TENM3: variants seen among roughly 807,000 people sequenced by gnomAD.
TENM3 encodes the protein teneurin-3.
Under a neutral mutation model 255.1 loss-of-function variants are expected in TENM3, and 63 were observed. The observed-to-expected ratio is 0.25, with a 90% CI of 0.20 to 0.30. The LOEUF is 0.30. Ranked by LOEUF, TENM3 falls within the 10% of genes least tolerant of loss-of-function variation. The pLI is 1.00. For synonymous variants in TENM3, 1,306 were observed against 1,322.3 expected (o/e 0.99, Z 0.27); for missense variants, 2,929 against 3,461.1 (o/e 0.85, Z 3.86).
At chr4:181,695,322 C>T in the TENM3 span, among the ~76,000 whole-genome samples, 14 of 152,150 alleles carry the variant, frequency 9.2e-5, no homozygotes, top group African/African-American at 3.4e-4. Flanking sequence ...AGCAAGTAGA[C>T]TCAACTCTTG....
At chr4:181,528,071 CT>C in the TENM3 span, among the ~76,000 whole-genome samples, 3 of 151,778 alleles carry the variant, frequency 2.0e-5, no homozygotes, top group Non-Finnish European at 4.4e-5. Flanking sequence ...TTACATACAT[CT>C]CTGATTACCT....
At chr4:182,062,561 A>C in the TENM3 span, among the ~76,000 whole-genome samples, 1 of 152,238 alleles carries the variant, frequency 6.6e-6, no homozygotes, top group Non-Finnish European at 1.5e-5. Context: ...TTTATATGAC[A>C]AGGCAGTATG....
the TENM3 span, among the ~76,000 whole-genome samples, chr4:181,832,756 G>C: frequency 6.6e-6 from 1 of 152,178 alleles, no homozygotes; most frequent in South Asian, 2.1e-4. Flanking sequence ...TAAATCAATT[G>C]AACCGCCTTG....
At chr4:182,640,201 A>C (rs921794781) in intron 5 of TENM3, among the ~76,000 whole-genome samples, 1 of 152,250 alleles carries the variant, frequency 6.6e-6, no homozygotes, top group Admixed American at 6.5e-5. Context: ...TTAAAATTTT[A>C]AGTCAATCAC....
At chr4:181,661,164 A>G in the TENM3 span, among the ~76,000 whole-genome samples, 1 of 152,160 alleles carries the variant, frequency 6.6e-6, no homozygotes, top group Non-Finnish European at 1.5e-5. Context: ...AATGGTGAAA[A>G]TCTTTAATGG....
the TENM3 span, among the ~76,000 whole-genome samples, chr4:181,697,425 GCT>G: frequency 1.3e-5 from 2 of 152,060 alleles, no homozygotes; most frequent in Admixed American, 6.6e-5. Context: ...TGACAGTCTT[GCT>G]CTGTCGCCCA....
chr4:181,568,875 C>A, the TENM3 span, among the ~76,000 whole-genome samples: 1 of 152,088 alleles, frequency 6.6e-6, no homozygotes, highest in Non-Finnish European at 1.5e-5. Flanking sequence ...AGTTGTAATC[C>A]TTTGGAGGAT....
At chr4:181,501,561 G>A in the TENM3 span, among the ~76,000 whole-genome samples, 1 of 151,932 alleles carries the variant, frequency 6.6e-6, no homozygotes, top group Non-Finnish European at 1.5e-5. Context: ...TGTATTTTTA[G>A]TAGAGGCGGG....
intron 3 of TENM3, among the ~76,000 whole-genome samples, chr4:182,464,481 TCCTGA>T (rs1044703704): frequency 4.6e-5 from 7 of 152,150 alleles, no homozygotes; most frequent in Admixed American, 6.5e-5. Context: ...GGTCTCCAAC[TCCTGA>T]CCTCAGGTGA....
intron 3 of TENM3, among the ~76,000 whole-genome samples, chr4:182,587,451 CAAA>C (rs1746142231): frequency 2.6e-5 from 4 of 152,152 alleles, no homozygotes; most frequent in Admixed American, 2.6e-4. Flanking sequence ...ACTAAAAATA[CAAA>C]AATAGTTCCA....
the TENM3 span, among the ~76,000 whole-genome samples, chr4:181,786,682 T>G: frequency 1.4e-5 from 2 of 145,772 alleles, no homozygotes; most frequent in African/African-American, 2.5e-5. Flanking sequence ...CTAGGGAGAG[T>G]GTTTAAGACA....
chr4:182,296,678 A>G (rs1197254234), intron 1 of TENM3, among the ~76,000 whole-genome samples: 2 of 152,240 alleles, frequency 1.3e-5, no homozygotes, highest in African/African-American at 4.8e-5. Flanking sequence ...AGAAGTCTGC[A>G]TCTTTAGATT....
intron 4 of TENM3, among the ~76,000 whole-genome samples, chr4:182,615,969 C>G (rs1749476065): frequency 6.6e-6 from 1 of 152,206 alleles, no homozygotes; most frequent in Admixed American, 6.5e-5. Context: ...TAATACCTTA[C>G]TGCAGTGATT....
rs1395118023 is a variant in TENM3, at chr4:182,799,073, C to A, written c.7345-523C>A. On this transcript the variant is annotated intron_variant, in intron 27 of 27. Transcript: ENST00000511685. The surrounding 1 kb of genome is among the most constrained non-coding windows in gnomAD (Gnocchi z 4.2). ...CATTTCAGTTCTGCGGTTACACTCA[C>A]CATCTTCAGCTGAAAACTCTGCCAG... 1.3e-5 allele frequency among the ~76,000 whole-genome samples: 2 copies of A among 152,256 alleles called. No individual in the cohort carries two copies. Among genetic ancestry groups the A allele is most frequent in the Non-Finnish European group, 2.9e-5 (2 of 68,040 alleles).
the TENM3 span, among the ~76,000 whole-genome samples, chr4:181,591,289 G>A: frequency 6.6e-6 from 1 of 152,172 alleles, no homozygotes; most frequent in Non-Finnish European, 1.5e-5. Context: ...TGTAAAAATA[G>A]TATGTGCACT....
At chr4:181,450,524 T>A in the TENM3 span, among the ~76,000 whole-genome samples, 1 of 152,208 alleles carries the variant, frequency 6.6e-6, no homozygotes, top group African/African-American at 2.4e-5. Flanking sequence ...ATCAAGGTAA[T>A]TTGCTATGAA....
At position 182,753,484 on chromosome 4, in the gene TENM3, T is replaced by C. The variant is rs1200462393; in HGVS notation, c.3897T>C (p.Phe1299=). 1.9e-6 allele frequency: 3 copies of C among 1,613,926 alleles called. No individual in the cohort carries two copies. The highest frequency in any genetic ancestry group is 1.6e-4 in the Middle Eastern group (1 of 6,062). The change falls in exon 21 of 28, where the codon TTT becomes TTC. Residue 1299 remains phenylalanine, a synonymous_variant. Coordinates refer to ENST00000511685, the MANE Select transcript of TENM3 (RefSeq NM_001080477.4). ...MAVDKNGLIY[F]VDGTMIRKVD... ...TTGATAAGAATGGATTAATCTACTT[T>C]GTTGATGGAACCATGATTAGGAAAG...
At chr4:182,151,864 A>G (rs1402831394) in intron 1 of TENM3, among the ~76,000 whole-genome samples, 1 of 152,052 alleles carries the variant, frequency 6.6e-6, no homozygotes, top group African/African-American at 2.4e-5. Context: ...TAATCTAAAT[A>G]CATATTATAG....
chr4:182,775,858 T>G (rs1764647244), intron 24 of TENM3, among the ~76,000 whole-genome samples: 1 of 152,110 alleles, frequency 6.6e-6, no homozygotes, highest in Admixed American at 6.6e-5. Context: ...TCAGAACATC[T>G]CTGAATCTGT....
Sources: gnomAD v4.1 joint callset for allele counts (sites outside exome capture counted in the v4.1 genomes callset) on GRCh38, gnomAD v4.1.1 for gene constraint, Gnocchi (gnomAD v3.1) non-coding constraint, MANE v1.5 for transcripts, NCBI Gene and HGNC (gene_info 2026-07-23, HGNC 2026-07-21) for gene names.